Variants in GABRB1 observed in about 807,000 individuals in gnomAD.
GABRB1 encodes the protein gamma-aminobutyric acid receptor subunit beta-1.
GABRB1 carries 17 observed loss-of-function variants against 51.6 expected under a neutral mutation model. The ratio of observed to expected loss-of-function variants is 0.33; its 90% CI spans 0.23 to 0.49. The LOEUF (loss-of-function observed/expected upper bound fraction) is 0.49, where lower values mean the gene tolerates loss of function less well. Ranked by LOEUF, GABRB1 falls within the 20% of genes least tolerant of loss-of-function variation. The pLI is 0.99. For missense variants in GABRB1, 410 were observed against 600.6 expected, an observed-to-expected ratio of 0.68 and a Z score of 3.32; for synonymous variants, 247 against 218.9, an observed-to-expected ratio of 1.13 and a Z score of -1.14.
chr4:47,412,137 G>A (rs1461631586), intron 8 of GABRB1, among the ~76,000 whole-genome samples: 3 of 152,084 alleles, frequency 2.0e-5, no homozygotes, highest in Non-Finnish European at 2.9e-5. Context: ...CCATGATAGT[G>A]AGTATATGTT....
chr4:47,304,096 A>G (rs935638340), intron 4 of GABRB1, among the ~76,000 whole-genome samples: 2 of 152,016 alleles, frequency 1.3e-5, no homozygotes, highest in Admixed American at 6.6e-5. Context: ...TATCCTTGCA[A>G]TGAACATGGG....
rs915936528 is a variant in GABRB1 at position 47,100,466 on chromosome 4, G to A, written c.241-60783G>A. Among the ~76,000 whole-genome samples, 3 of 151,928 alleles carry A rather than the reference G, an allele frequency of 2.0e-5. No homozygotes were observed. In the East Asian group the frequency reaches 5.8e-4, roughly 29 times the overall value. On this transcript the variant is annotated intron_variant, in intron 3 of 8. Coordinates refer to ENST00000295454, the MANE Select transcript of GABRB1 (RefSeq NM_000812.4). ...GTAGTATAAATGAGTCAAATGTTTT[G>A]ATTACTGTATATACAACTAATTTTG...
intron 3 of GABRB1, among the ~76,000 whole-genome samples, chr4:47,122,857 C>A (rs902980577): frequency 6.6e-6 from 1 of 152,170 alleles, no homozygotes; most frequent in African/African-American, 2.4e-5. Flanking sequence ...AGCCTTGAAG[C>A]CTTCCTCTAG....
chr4:47,175,609 G>A (rs550943021), intron 4 of GABRB1, among the ~76,000 whole-genome samples: 15 of 152,204 alleles, frequency 9.9e-5, no homozygotes, highest in East Asian at 3.9e-4. Flanking sequence ...CTACTTGCAC[G>A]AAAATTATTA....
intron 3 of GABRB1, among the ~76,000 whole-genome samples, chr4:47,068,083 T>A (rs753644021): frequency 8.5e-5 from 13 of 152,214 alleles, no homozygotes; most frequent in Non-Finnish European, 1.8e-4. Context: ...TGTATAGTAT[T>A]CTGACAGCTT....
intron 5 of GABRB1, among the ~76,000 whole-genome samples, chr4:47,360,675 A>G (rs1726776961): frequency 6.6e-6 from 1 of 152,098 alleles, no homozygotes; most frequent in South Asian, 2.1e-4. Flanking sequence ...AATCTCTATT[A>G]TTACAATGAG....
chr4:47,146,529 C>G (rs1043576469), intron 3 of GABRB1, among the ~76,000 whole-genome samples: 19 of 152,038 alleles, frequency 1.2e-4, no homozygotes, highest in African/African-American at 4.1e-4. Flanking sequence ...TCTGAAGAAC[C>G]CTTAGGGAAT....
intron 4 of GABRB1, among the ~76,000 whole-genome samples, chr4:47,205,621 A>G: frequency 6.6e-6 from 1 of 152,150 alleles, no homozygotes; most frequent in East Asian, 1.9e-4. Flanking sequence ...TTGGTATTGC[A>G]TTGCCGTGTT....
intron 4 of GABRB1, among the ~76,000 whole-genome samples, chr4:47,198,250 G>A (rs566999317): frequency 9.8e-5 from 15 of 152,298 alleles, no homozygotes; most frequent in African/African-American, 3.6e-4. Context: ...TAAACTCAGA[G>A]GGACTGAGGA....
chr4:47,033,485 T>A (rs939205392), intron 3 of GABRB1, among the ~76,000 whole-genome samples: 18 of 152,186 alleles, frequency 1.2e-4, no homozygotes, highest in African/African-American at 3.4e-4. Flanking sequence ...GTGAGCAAAA[T>A]GCCATTTTTA....
intron 4 of GABRB1, among the ~76,000 whole-genome samples, chr4:47,280,864 G>C (rs912037133): frequency 6.8e-6 from 1 of 147,204 alleles, no homozygotes; most frequent in Admixed American, 6.9e-5. Context: ...TAAATTGCCA[G>C]GCTGGTCTCA....
At chr4:47,373,301 T>G (rs1727273041) in intron 5 of GABRB1, among the ~76,000 whole-genome samples, 1 of 152,188 alleles carries the variant, frequency 6.6e-6, no homozygotes, top group East Asian at 1.9e-4. Context: ...GAATGGTGGT[T>G]GAAATGACAG....
chr4:47,313,483 G>T (rs958372805), intron 4 of GABRB1, among the ~76,000 whole-genome samples: 1 of 152,082 alleles, frequency 6.6e-6, no homozygotes, highest in African/African-American at 2.4e-5. Flanking sequence ...GTCATATTAG[G>T]CAAGGAGAAC....
chr4:47,416,342 G>A (rs1470511077), intron 8 of GABRB1, among the ~76,000 whole-genome samples: 1 of 152,054 alleles, frequency 6.6e-6, no homozygotes, highest in African/African-American at 2.4e-5. Flanking sequence ...CAAACCACAT[G>A]GTGCTTTTTG....
At chr4:47,277,596 T>A (rs559091630) in intron 4 of GABRB1, among the ~76,000 whole-genome samples, 1 of 152,030 alleles carries the variant, frequency 6.6e-6, no homozygotes, top group African/African-American at 2.4e-5. Flanking sequence ...TGCATGCCTA[T>A]ATCAAAACAT....
At chr4:47,334,416 A>T (rs1356499978) in intron 5 of GABRB1, among the ~76,000 whole-genome samples, 1 of 152,158 alleles carries the variant, frequency 6.6e-6, no homozygotes, top group Non-Finnish European at 1.5e-5. Context: ...AAATAAACTG[A>T]GGCAGAAAAG....
chr4:47,362,953 T>C (rs1726858333), intron 5 of GABRB1, among the ~76,000 whole-genome samples: 1 of 152,040 alleles, frequency 6.6e-6, no homozygotes, highest in Admixed American at 6.6e-5. Context: ...AAGAGATATG[T>C]GCAAGATGCT....
intron 3 of GABRB1, among the ~76,000 whole-genome samples, chr4:47,112,023 G>T (rs1397710210): frequency 6.8e-6 from 1 of 146,718 alleles, no homozygotes; most frequent in Non-Finnish European, 1.5e-5. Context: ...AGGCTGGAGT[G>T]CAGTGGCACG....
intron 4 of GABRB1, among the ~76,000 whole-genome samples, chr4:47,199,837 G>A (rs188185344): frequency 4.9e-4 from 75 of 152,140 alleles, no homozygotes; most frequent in Middle Eastern, 3.4e-3. Context: ...AGACAGGGAC[G>A]GTGCTTAGTC....
Sources: allele counts gnomAD v4.1 joint callset (sites outside exome capture counted in the v4.1 genomes callset), GRCh38; gene constraint gnomAD v4.1.1; transcripts MANE v1.5; gene names NCBI Gene and HGNC (gene_info 2026-07-23, HGNC 2026-07-21).